The following SP140 variants were observed in gnomAD, a reference collection of about 807,000 sequenced individuals.
SP140 encodes the protein SP140 nuclear body protein.
SP140 carries 81 observed loss-of-function variants against 125.0 expected under a neutral mutation model. That is an observed-to-expected ratio of 0.65 (90% CI 0.54 to 0.78). The LOEUF is 0.78. Ranked by LOEUF, SP140 falls within the 30% of genes least tolerant of loss-of-function variation. The probability of loss-of-function intolerance (pLI) is 0.00; values close to 1 mark genes in which losing one functional copy is unlikely to be tolerated. For synonymous variants in SP140, 312 were observed against 354.0 expected, an observed-to-expected ratio of 0.88 and a Z score of 1.33; for missense variants, 858 against 1,037.0, an observed-to-expected ratio of 0.83 and a Z score of 2.37.
intron 20 of SP140, among the ~76,000 whole-genome samples, chr2:230,293,918 C>T (rs962305602): frequency 1.3e-5 from 2 of 152,126 alleles, no homozygotes; most frequent in Non-Finnish European, 2.9e-5. Context: ...CAGTAGCAGG[C>T]AATGTGTGTG....
intron 12 of SP140, among the ~76,000 whole-genome samples, chr2:230,267,142 C>T (rs2053243835): frequency 6.6e-6 from 1 of 152,126 alleles, no homozygotes; most frequent in Admixed American, 6.5e-5. Flanking sequence ...TTAAACAAAG[C>T]TGAACATAAA....
the SP140 span, among the ~76,000 whole-genome samples, chr2:230,193,458 T>G: frequency 1.3e-5 from 2 of 152,358 alleles, no homozygotes; most frequent in East Asian, 3.9e-4. Flanking sequence ...CCTTGTGAGT[T>G]TTATGCTTTC....
chr2:230,189,111 C>T, the SP140 span, among the ~76,000 whole-genome samples: 36 of 151,864 alleles, frequency 2.4e-4, no homozygotes, highest in East Asian at 7.0e-3. Context: ...TTTGGTTACT[C>T]TGGCTAATGT....
intron 3 of SP140, among the ~76,000 whole-genome samples, chr2:230,239,963 C>T (rs777476530): frequency 7.9e-5 from 12 of 152,140 alleles, no homozygotes; most frequent in Non-Finnish European, 1.2e-4. Context: ...ATCCTCCTGG[C>T]CCCAGCATCC....
intron 3 of SP140, chr2:230,215,251 A>T: frequency 1.3e-6 from 1 of 743,008 alleles, no homozygotes; most frequent in Non-Finnish European, 2.3e-6. Flanking sequence ...ATATATAGTC[A>T]CATTCTCTAA....
chr2:230,275,081 A>T (rs958967305), intron 15 of SP140, among the ~76,000 whole-genome samples: 1 of 152,106 alleles, frequency 6.6e-6, no homozygotes, highest in African/African-American at 2.4e-5. Context: ...AGTGCCTGGA[A>T]CTTATATTTT....
the SP140 span, among the ~76,000 whole-genome samples, chr2:230,196,178 G>T: frequency 6.6e-6 from 1 of 152,082 alleles, no homozygotes; most frequent in Non-Finnish European, 1.5e-5. Context: ...TTAAGATATA[G>T]ATTTTAACCA....
chr2:230,297,049 G>A (rs2057801993), intron 21 of SP140, among the ~76,000 whole-genome samples: 1 of 152,214 alleles, frequency 6.6e-6, no homozygotes, highest in African/African-American at 2.4e-5. Flanking sequence ...CATGAATTGG[G>A]CAGCACTCAG....
intron 10 of SP140, 69 bp from the exon 11 acceptor site, chr2:230,253,247 C>T: frequency 1.8e-6 from 2 of 1,134,284 alleles, no homozygotes; most frequent in Non-Finnish European, 2.7e-6. Context: ...TGGCTCTTAG[C>T]ATTTTCCCAT....
chr2:230,253,591 G>A (rs1171935806), intron 11 of SP140, among the ~76,000 whole-genome samples, 174 bp downstream of exon 11: 1 of 152,108 alleles, frequency 6.6e-6, no homozygotes, highest in African/African-American at 2.4e-5. Flanking sequence ...GAGAGACAAA[G>A]GATCAAGCTA....
intron 1 of SP140, chr2:230,203,649 G>A (rs974080288): frequency 6.6e-6 from 1 of 152,202 alleles, no homozygotes; most frequent in Non-Finnish European, 1.5e-5. Context: ...ATAACTAAAG[G>A]AGGGTTTCGG....
chr2:230,297,330 C>T, intron 21 of SP140, 91 bp from the exon 22 acceptor site: 1 of 1,430,884 alleles, frequency 7.0e-7, no homozygotes, highest in Non-Finnish European at 9.6e-7. Flanking sequence ...GTTCCTGAAT[C>T]CCTTCAAAGA....
upstream of SP140, among the ~76,000 whole-genome samples, chr2:230,222,376 C>A (rs1184723026): frequency 6.6e-6 from 1 of 151,966 alleles, no homozygotes; most frequent in South Asian, 2.1e-4. Context: ...AAAATTTATT[C>A]ATTGTAATGT....
downstream of SP140, among the ~76,000 whole-genome samples, chr2:230,315,725 G>A (rs993065206): frequency 1.1e-4 from 16 of 152,162 alleles, no homozygotes; most frequent in African/African-American, 3.9e-4. Context: ...CTTGGGGAGT[G>A]ATAGAGATTA....
At chr2:230,303,239 C>G (rs532035115) in intron 22 of SP140, among the ~76,000 whole-genome samples, 1 of 152,036 alleles carries the variant, frequency 6.6e-6, no homozygotes, top group East Asian at 1.9e-4. Context: ...ACAACCAACA[C>G]CACAGAAATA....
intron 1 of SP140, among the ~76,000 whole-genome samples, chr2:230,209,132 G>A (rs1028090481): frequency 6.6e-6 from 1 of 152,108 alleles, no homozygotes; most frequent in African/African-American, 2.4e-5. Context: ...AGCTATAAAA[G>A]GAGAAAAGCT....
intron 22 of SP140, among the ~76,000 whole-genome samples, chr2:230,302,863 G>A (rs567989586): frequency 2.0e-5 from 3 of 152,158 alleles, no homozygotes; most frequent in Admixed American, 1.3e-4. Flanking sequence ...TGAACTGAAC[G>A]ACAATAATGA....
intron 22 of SP140, among the ~76,000 whole-genome samples, chr2:230,307,032 C>T (rs1053651942): frequency 4.6e-5 from 7 of 152,204 alleles, no homozygotes; most frequent in African/African-American, 1.7e-4. Flanking sequence ...CTCTGAAGCC[C>T]ATAAAAGCTC....
rs574711095 is a variant in SP140, at chr2:230,290,574, A to G, written c.1825+10A>G. ...AAGAAATTGCAGCAAGGTAGGTTTT[A>G]TGGTCTTCTTTAATTTGCAGCTCCT... On this transcript the variant is annotated intron_variant, in intron 19 of 26. Coordinates refer to ENST00000392045, the MANE Select transcript of SP140 (RefSeq NM_007237.5). The G allele has an allele frequency of 6.3e-7, 1 of 1,599,376 alleles. No homozygotes were observed. Among genetic ancestry groups the G allele is most frequent in the South Asian group, 1.1e-5 (1 of 90,256 alleles).
Sources: allele counts gnomAD v4.1 joint callset (sites outside exome capture counted in the v4.1 genomes callset), GRCh38; gene constraint gnomAD v4.1.1; transcripts MANE v1.5; gene names NCBI Gene and HGNC (gene_info 2026-07-23, HGNC 2026-07-21).